AMPH: variants seen among roughly 807,000 people sequenced by gnomAD.
The protein encoded by AMPH is amphiphysin.
AMPH carries 49 observed loss-of-function variants against 99.1 expected under a neutral mutation model. The ratio of observed to expected loss-of-function variants is 0.49; its 90% CI spans 0.39 to 0.63. AMPH has a LOEUF of 0.63. Ranked by LOEUF, AMPH falls within the 20% of genes least tolerant of loss-of-function variation. AMPH has a pLI of 0.00. For synonymous variants in AMPH, 314 were observed against 317.3 expected, an observed-to-expected ratio of 0.99 and a Z score of 0.11; for missense variants, 759 against 863.4, an observed-to-expected ratio of 0.88 and a Z score of 1.52.
At chr7:38,455,119 G>A (rs1373826827) in intron 11 of AMPH, among the ~76,000 whole-genome samples, 1 of 149,894 alleles carries the variant, frequency 6.7e-6, no homozygotes, top group Non-Finnish European at 1.5e-5. Flanking sequence ...TGCTCTCGTT[G>A]CCCAGGCTGG....
chr7:38,618,782 C>G (rs1452998599), intron 1 of AMPH, among the ~76,000 whole-genome samples: 2 of 151,344 alleles, frequency 1.3e-5, no homozygotes, highest in Non-Finnish European at 2.9e-5. Context: ...ATTAAAAGAC[C>G]ACACAAGAAA....
intron 3 of AMPH, among the ~76,000 whole-genome samples, chr7:38,495,614 T>C (rs1788903767): frequency 6.7e-6 from 1 of 148,546 alleles, no homozygotes; most frequent in South Asian, 2.1e-4. Context: ...TTTTTTTTTT[T>C]CTCATCATTA....
chr7:38,525,819 T>A (rs906745224), intron 2 of AMPH, among the ~76,000 whole-genome samples: 1 of 152,174 alleles, frequency 6.6e-6, no homozygotes, highest in African/African-American at 2.4e-5. Context: ...ATAGTATGGA[T>A]ATACTACAGT....
In AMPH at chr7:38,391,902, G is replaced by A. The variant is rs372460888; in HGVS notation, c.1724C>T (p.Pro575Leu). 34 of 1,612,576 alleles carry A rather than the reference G, an allele frequency of 2.1e-5. No individual in the cohort carries two copies. The highest frequency in any genetic ancestry group is 1.6e-4 in the East Asian group (7 of 44,874). The part of the protein sequence containing the change: ...PKETTEDAAP[P>L]GPTSETPELA... ...CTCCGGTGTCTCGCTGGTGGGGCCC[G>A]GAGGAGCCGCGTCCTCGGTGGTCTC... The change falls in exon 19 of 21, where the codon CCG (proline) becomes CTG (leucine). Residue 575 changes from proline to leucine, a missense_variant. This residue lies in a region of AMPH where 554 missense variants were observed against 575.6 expected (regional missense o/e 0.96). Coordinates refer to ENST00000356264, the MANE Select transcript of AMPH (RefSeq NM_001635.4).
chr7:38,627,506 T>G (rs1372037155), intron 1 of AMPH, among the ~76,000 whole-genome samples: 2 of 151,232 alleles, frequency 1.3e-5, no homozygotes, highest in Admixed American at 1.3e-4. Flanking sequence ...ATATAAAAAA[T>G]TAGCCAAGCG....
At chr7:38,556,593 G>T (rs539407439) in intron 1 of AMPH, among the ~76,000 whole-genome samples, 19 of 152,280 alleles carry the variant, frequency 1.2e-4, no homozygotes, top group African/African-American at 4.6e-4. Context: ...GAAGGGAAAA[G>T]GTGCTTCTGG....
intron 5 of AMPH, among the ~76,000 whole-genome samples, chr7:38,481,177 CT>C (rs1489016169): frequency 6.6e-6 from 1 of 151,922 alleles, no homozygotes; most frequent in Non-Finnish European, 1.5e-5. Context: ...ATTTCCTTAC[CT>C]ATCTGATATT....
chr7:38,470,317 C>A (rs910627241), intron 7 of AMPH, among the ~76,000 whole-genome samples: 3 of 152,318 alleles, frequency 2.0e-5, no homozygotes, highest in Admixed American at 2.0e-4. Context: ...GACACTGTTG[C>A]TGCTTCCTCA....
chr7:38,487,942 A>G (rs1054360822), intron 5 of AMPH, among the ~76,000 whole-genome samples: 70 of 152,244 alleles, frequency 4.6e-4, no homozygotes, highest in Non-Finnish European at 6.6e-4. Flanking sequence ...ATCATTGGTC[A>G]TTAGAGAAAT....
chr7:38,478,228 A>T (rs577405757), intron 5 of AMPH, among the ~76,000 whole-genome samples: 2 of 152,162 alleles, frequency 1.3e-5, no homozygotes, highest in East Asian at 3.9e-4. Context: ...GCATACAAAG[A>T]CAACTAAAAT....
intron 6 of AMPH, 140 bp from the exon 7 acceptor site, chr7:38,475,556 C>A (rs1180174024): frequency 1.3e-5 from 8 of 599,014 alleles, no homozygotes; most frequent in Non-Finnish European, 2.3e-5. Flanking sequence ...AAAAGCATAT[C>A]CTTGTTTTTC....
chr7:38,577,972 C>T (rs1457784118), intron 1 of AMPH, among the ~76,000 whole-genome samples: 3 of 152,196 alleles, frequency 2.0e-5, no homozygotes, highest in Non-Finnish European at 4.4e-5. Flanking sequence ...GAAACAAACA[C>T]GATAGCTGCG....
At chr7:38,466,020 C>CGAG (rs1562773623) in intron 8 of AMPH, among the ~76,000 whole-genome samples, 153 bp downstream of exon 8, 47 of 152,238 alleles carry the variant, frequency 3.1e-4, no homozygotes, top group African/African-American at 1.1e-3. Context: ...CTATGAAAAA[C>CGAG]CGTAGAAATG....
chr7:38,441,869 C>CAT (rs200097507), intron 11 of AMPH, among the ~76,000 whole-genome samples: 1 of 112,056 alleles, frequency 8.9e-6, no homozygotes, highest in Non-Finnish European at 1.6e-5. Flanking sequence ...TCATATATAT[C>CAT]ATATATATAT....
chr7:38,400,947 AAAT>A (rs1412323881), intron 17 of AMPH, among the ~76,000 whole-genome samples: 1 of 152,230 alleles, frequency 6.6e-6, no homozygotes, highest in Admixed American at 6.5e-5. Flanking sequence ...ACAAATTTTA[AAAT>A]AATAAAAGAA....
intron 17 of AMPH, among the ~76,000 whole-genome samples, chr7:38,403,581 C>G (rs1248758437): frequency 6.6e-6 from 1 of 152,216 alleles, no homozygotes; most frequent in Non-Finnish European, 1.5e-5. Context: ...CCCACTCTGA[C>G]TTGGCAATGA....
At chr7:38,560,503 T>G (rs1484195944) in intron 1 of AMPH, among the ~76,000 whole-genome samples, 1 of 152,208 alleles carries the variant, frequency 6.6e-6, no homozygotes, top group Non-Finnish European at 1.5e-5. Flanking sequence ...TGTTACACAG[T>G]GCAAGCTAGC....
chr7:38,455,955 G>T (rs948346163), intron 11 of AMPH, among the ~76,000 whole-genome samples: 2 of 152,214 alleles, frequency 1.3e-5, no homozygotes, highest in African/African-American at 4.8e-5. Flanking sequence ...GGCTGCTGTG[G>T]AACCAAGAAA....
At chr7:38,519,291 G>A (rs565270534) in intron 2 of AMPH, among the ~76,000 whole-genome samples, 71 of 152,266 alleles carry the variant, frequency 4.7e-4, no homozygotes, top group African/African-American at 1.7e-3. Flanking sequence ...TATTTCCAGC[G>A]ATGCAGACAT....
Sources: allele counts gnomAD v4.1 joint callset (sites outside exome capture counted in the v4.1 genomes callset), GRCh38; gene constraint gnomAD v4.1.1; regional missense constraint gnomAD v4.1.1; transcripts MANE v1.5; gene names NCBI Gene and HGNC (gene_info 2026-07-23, HGNC 2026-07-21).